Variants in CAMTA1 observed in about 807,000 individuals in gnomAD.
CAMTA1 encodes calmodulin-binding transcription activator 1.
Under a neutral mutation model 170.9 loss-of-function variants are expected in CAMTA1, and 27 were observed. The observed-to-expected ratio is 0.16, with a 90% CI of 0.12 to 0.22. CAMTA1 has a LOEUF of 0.22. Among genes scored for constraint, CAMTA1 ranks in the 10% least tolerant of loss-of-function variants. CAMTA1 has a pLI of 1.00. For missense variants in CAMTA1, 1,619 were observed against 2,217.2 expected, an observed-to-expected ratio of 0.73 and a Z score of 5.42; for synonymous variants, 833 against 891.5, an observed-to-expected ratio of 0.93 and a Z score of 1.17.
Position 7,664,244 on chromosome 1 carries a change from C to G in CAMTA1, c.1697C>G (p.Ser566Cys). The change falls in exon 9 of 23, where the codon TCC becomes TGC. Residue 566 changes from serine to cysteine, a missense_variant. By Grantham distance (112) the Ser-to-Cys change is moderately radical. Coordinates refer to ENST00000303635, the MANE Select transcript of CAMTA1 (RefSeq NM_015215.4). ...AGCTCCCTCACCCTGACCGCCGGCT[C>G]CAGCCTCCTGCCGTCGGGCGGCGGC... ...AASSLTLTAG[S>C]SLLPSGGGLS... 2.5e-6 allele frequency: 4 copies of G among 1,612,706 alleles called. No homozygotes were observed. Among genetic ancestry groups the G allele is most frequent in the Admixed American group, 3.3e-5 (2 of 60,016 alleles).
chr1:7,734,564 C>T lies in CAMTA1; in HGVS notation c.3067-1780C>T, dbSNP rs929313164. Among the ~76,000 whole-genome samples, 17 of 151,810 alleles carry T rather than the reference C, an allele frequency of 1.1e-4. No homozygotes were observed. The South Asian group carries it at 1.2e-3, about 11-fold the overall frequency. ...TACAAAAAAAAAAAAATTCCCTTTT[C>T]GTTCACTCTGGCCATTTCCATGTGC... On this transcript the variant is annotated intron_variant, in intron 12 of 22. Coordinates refer to ENST00000303635, the MANE Select transcript of CAMTA1 (RefSeq NM_015215.4).
intron 3 of CAMTA1, among the ~76,000 whole-genome samples, chr1:6,913,902 A>G (rs1036816293): frequency 3.3e-5 from 5 of 152,126 alleles, no homozygotes; most frequent in African/African-American, 1.2e-4. Context: ...AATGAGTAGT[A>G]TTTTTGTCTG....
chr1:7,522,648 G>A (rs1228911210), intron 6 of CAMTA1, among the ~76,000 whole-genome samples: 2 of 152,088 alleles, frequency 1.3e-5, no homozygotes, highest in African/African-American at 4.8e-5. Flanking sequence ...GTTCACTTTT[G>A]TTTAAAGCAT....
intron 5 of CAMTA1, among the ~76,000 whole-genome samples, chr1:7,292,063 A>G (rs976575429): frequency 4.6e-5 from 7 of 152,222 alleles, no homozygotes; most frequent in African/African-American, 1.7e-4. Flanking sequence ...TCGCAATTAA[A>G]TCTACTTTCC....
chr1:7,509,945 C>T (rs2094178190), intron 6 of CAMTA1, among the ~76,000 whole-genome samples: 1 of 151,688 alleles, frequency 6.6e-6, no homozygotes, highest in Non-Finnish European at 1.5e-5. Context: ...GGAAAAGCTA[C>T]CCTGACTCTC....
rs905409420 is a variant in CAMTA1, at chr1:7,203,341, G to A, written c.303-46150G>A. ...GTTTTTGTCTGGTTTTGGTATCAGA[G>A]TAACACAGGTTTCATAAAGTGAATT... On this transcript the variant is annotated intron_variant, in intron 4 of 22. Transcript: ENST00000303635. 9.2e-5 allele frequency among the ~76,000 whole-genome samples: 14 copies of A among 152,098 alleles called. 1 individual carries two copies. Among genetic ancestry groups the A allele is most frequent in the Admixed American group, 6.5e-4 (10 of 15,270 alleles).
chr1:7,734,268 A>G (rs1038123829), intron 12 of CAMTA1, among the ~76,000 whole-genome samples: 19 of 152,202 alleles, frequency 1.2e-4, no homozygotes, highest in Admixed American at 1.2e-3. Flanking sequence ...GTTTTATAAA[A>G]GAAGTAATCA....
intron 3 of CAMTA1, chr1:6,871,810 C>T (rs1379507356): frequency 2.0e-6 from 3 of 1,529,374 alleles, no homozygotes; most frequent in Non-Finnish European, 1.7e-6. Flanking sequence ...TGTGACCCTT[C>T]ACCTTTGATC....
chr1:7,191,389 C>T (rs565564771), intron 4 of CAMTA1, among the ~76,000 whole-genome samples: 10 of 152,320 alleles, frequency 6.6e-5, no homozygotes, highest in South Asian at 4.2e-4. Context: ...GGCTGAGTGG[C>T]GGACATGGTA....
At position 7,342,550 on chromosome 1, in the gene CAMTA1, C is replaced by T. The variant is rs144089711; in HGVS notation, c.438+92924C>T. On this transcript the variant is annotated intron_variant, in intron 5 of 22. Transcript: ENST00000303635. Reference sequence around the variant, plus strand: ...GAAGAAACCACCCCCATCATCATGGCAGGGTGCCCATGGTGGCCCTTGAAG... The same window carrying T: ...GAAGAAACCACCCCCATCATCATGGTAGGGTGCCCATGGTGGCCCTTGAAG... 2.0e-5 allele frequency among the ~76,000 whole-genome samples: 3 copies of T among 152,294 alleles called. No homozygotes were observed. In the East Asian group the frequency reaches 5.8e-4, roughly 29 times the overall value.
chr1:7,677,693 C>A lies in CAMTA1; in HGVS notation c.2874C>A (p.Pro958=), dbSNP rs780673433. Residue 958 remains proline (P), a synonymous_variant, in exon 11 of 23, where the codon CCC becomes CCA. Transcript: ENST00000303635. The part of the protein sequence containing the change: ...VVFEYKARAL[P]TLPSSQHDWL... ...TTGAGTACAAAGCCCGGGCTCTGCC[C>A]ACGCTCCCTTCCTCCCAGCACGACT... is the stretch of plus-strand genomic sequence containing the variant. The A allele has an allele frequency of 1.2e-6, 2 of 1,614,134 alleles. No homozygotes were observed.
intron 6 of CAMTA1, among the ~76,000 whole-genome samples, chr1:7,500,392 CGTGA>C (rs774089788): frequency 2.1e-3 from 318 of 148,530 alleles, no homozygotes; most frequent in African/African-American, 7.3e-3. Flanking sequence ...CATGTGTGTC[CGTGA>C]GTGAGTGTGT....
chr1:7,417,272 G>A (rs546850166), intron 5 of CAMTA1, among the ~76,000 whole-genome samples: 26 of 152,366 alleles, frequency 1.7e-4, no homozygotes, highest in South Asian at 6.2e-4. Context: ...CTCCAGCTGC[G>A]TGCTGGGAGA....
rs539945557 is a variant in CAMTA1, at chr1:7,743,791, A to G, written c.4183-1044A>G. Among the ~76,000 whole-genome samples the G allele has an allele frequency of 2.2e-4, 33 of 152,084 alleles. 1 individual carries two copies. Among genetic ancestry groups the G allele is most frequent in the African/African-American group, 7.7e-4 (32 of 41,472 alleles). On this transcript the variant is annotated intron_variant, in intron 16 of 22. Coordinates refer to ENST00000303635, the MANE Select transcript of CAMTA1 (RefSeq NM_015215.4). ...CTCTGATTCTCATAAAGAATATCTT[A>G]ATCCAGACCAGCTTTGAGGATTCTT... is the stretch of plus-strand genomic sequence containing the variant.
In CAMTA1 at chr1:7,635,771, C is replaced by T. The variant is rs952297750; in HGVS notation, c.511-4629C>T. ...AGCAGCTCAGCAAGGACTCTGACAC[C>T]GTTATGAGCACTCCATGAAACTGAT... On this transcript the variant is annotated intron_variant, in intron 6 of 22. Coordinates refer to ENST00000303635, the MANE Select transcript of CAMTA1 (RefSeq NM_015215.4). The surrounding 1 kb of genome is among the most constrained non-coding windows in gnomAD (Gnocchi z 4.4). Among the ~76,000 whole-genome samples the T allele has an allele frequency of 4.6e-5, 7 of 152,160 alleles. No homozygotes were observed. The highest frequency in any genetic ancestry group is 1.0e-4 in the Non-Finnish European group (7 of 68,026).
chr1:7,132,467 G>T (rs527547627), intron 4 of CAMTA1, among the ~76,000 whole-genome samples: 30 of 152,158 alleles, frequency 2.0e-4, no homozygotes, highest in Non-Finnish European at 1.5e-4. Context: ...TAAAGACAGG[G>T]TCTCACTATG....
intron 5 of CAMTA1, among the ~76,000 whole-genome samples, chr1:7,273,540 AAGC>A (rs1670154547): frequency 6.6e-6 from 1 of 152,336 alleles, no homozygotes; most frequent in Non-Finnish European, 1.5e-5. Flanking sequence ...TAGAGACAGA[AAGC>A]AGATTAATAA....
chr1:7,082,064 T>C (rs1057178010), intron 3 of CAMTA1, among the ~76,000 whole-genome samples: 3 of 152,204 alleles, frequency 2.0e-5, no homozygotes, highest in African/African-American at 7.2e-5. Context: ...AGGATCCTAT[T>C]GCCTCTATCC....
chr1:7,308,039 G>T (rs1199774749), intron 5 of CAMTA1, among the ~76,000 whole-genome samples: 1 of 151,268 alleles, frequency 6.6e-6, no homozygotes, highest in Non-Finnish European at 1.5e-5. Context: ...AATAGTTACA[G>T]GACTATTCCA....
Sources: allele counts gnomAD v4.1 joint callset (sites outside exome capture counted in the v4.1 genomes callset), GRCh38; gene constraint gnomAD v4.1.1; non-coding constraint Gnocchi (gnomAD v3.1); transcripts MANE v1.5; gene names NCBI Gene and HGNC (gene_info 2026-07-23, HGNC 2026-07-21).